GHR: variants seen among roughly 807,000 people sequenced by gnomAD.
GHR encodes GH receptor.
Under a neutral mutation model 67.1 loss-of-function variants are expected in GHR, and 35 were observed. The observed-to-expected ratio is 0.52, with a 90% CI of 0.40 to 0.69. The LOEUF (loss-of-function observed/expected upper bound fraction) is 0.69. Among genes scored for constraint, GHR ranks in the 30% least tolerant of loss-of-function variants. The probability of loss-of-function intolerance (pLI) is 0.00; values close to 1 mark genes in which losing one functional copy is unlikely to be tolerated. For missense variants in GHR, 792 were observed against 764.6 expected (o/e 1.04, Z -0.42); for synonymous variants, 272 against 269.1 (o/e 1.01, Z -0.10).
chr5:42,509,212 A>G lies in GHR; in HGVS notation c.-11-56652A>G, dbSNP rs149931948. On this transcript the variant is annotated intron_variant, in intron 1 of 9. Coordinates refer to ENST00000230882, the MANE Select transcript of GHR (RefSeq NM_000163.5). ...TACCCTGCCTACACCTGAGAGTTCA[A>G]TGTTACTGTGGAAAATGCACACTGT... Among the ~76,000 whole-genome samples, 7 of 152,256 alleles carry G rather than the reference A, an allele frequency of 4.6e-5. No individual in the cohort carries two copies. The East Asian group carries it at 9.6e-4, about 21-fold the overall frequency.
chr5:42,536,993 G>C (rs946380044), intron 1 of GHR, among the ~76,000 whole-genome samples: 1 of 151,982 alleles, frequency 6.6e-6, no homozygotes, highest in Non-Finnish European at 1.5e-5. Context: ...TATTTCAGTG[G>C]TGTCAGTTGT....
intron 8 of GHR, among the ~76,000 whole-genome samples, chr5:42,715,339 A>T (rs183080460): frequency 4.6e-5 from 7 of 152,374 alleles, no homozygotes; most frequent in Non-Finnish European, 7.3e-5. Flanking sequence ...TTAAATTGAT[A>T]CTGCAAAGAA....
At chr5:42,626,646 C>A (rs755293386) in intron 2 of GHR, among the ~76,000 whole-genome samples, 1 of 152,120 alleles carries the variant, frequency 6.6e-6, no homozygotes, top group Non-Finnish European at 1.5e-5. Context: ...TGACCATGCC[C>A]CATCCTGAGG....
At chr5:42,678,627 T>C (rs1057344332) in intron 3 of GHR, among the ~76,000 whole-genome samples, 11 of 152,214 alleles carry the variant, frequency 7.2e-5, no homozygotes, top group Non-Finnish European at 1.3e-4. Context: ...AATACAGTTC[T>C]GTTGAGCATC....
At chr5:42,617,388 A>ACG (rs1316664958) in intron 2 of GHR, among the ~76,000 whole-genome samples, 14 of 860 alleles carry the variant, frequency 0.016, no homozygotes, top group South Asian at 0.077. Flanking sequence ...TTCATTTTAC[A>ACG]CACACACACA....
intron 8 of GHR, among the ~76,000 whole-genome samples, chr5:42,717,682 C>T (rs1758786522): frequency 6.6e-6 from 1 of 152,004 alleles, no homozygotes; most frequent in African/African-American, 2.4e-5. Context: ...GAGATGTACA[C>T]TAGAATTGCC....
At chr5:42,468,515 A>G (rs1579755875) in intron 1 of GHR, 2 of 781,156 alleles carry the variant, frequency 2.6e-6, no homozygotes, top group East Asian at 5.1e-5. Flanking sequence ...GGGGACCAGG[A>G]CCTCAGCTCC....
intron 3 of GHR, among the ~76,000 whole-genome samples, chr5:42,635,076 A>G (rs1004043747): frequency 1.3e-5 from 2 of 152,112 alleles, no homozygotes; most frequent in African/African-American, 4.8e-5. Flanking sequence ...CTGACATGGA[A>G]GCTGACATTA....
At chr5:42,694,889 T>A in intron 4 of GHR, 28 bp from the exon 5 acceptor site, 1 of 1,546,032 alleles carries the variant, frequency 6.5e-7, no homozygotes, top group South Asian at 1.1e-5. Context: ...TTTGGAACAA[T>A]TAATCTTTTT....
intron 2 of GHR, among the ~76,000 whole-genome samples, chr5:42,579,151 T>TGATAGAG: frequency 1.1e-5 from 1 of 88,286 alleles, no homozygotes; most frequent in Non-Finnish European, 2.4e-5. Context: ...GATAGATAGA[T>TGATAGAG]ATAGATAGAT....
intron 1 of GHR, among the ~76,000 whole-genome samples, chr5:42,564,184 A>AAG (rs1749796573): frequency 3.8e-5 from 5 of 130,830 alleles, no homozygotes; most frequent in African/African-American, 9.8e-5. Context: ...AAATCTCACA[A>AAG]TGTGTGAGAT....
chr5:42,648,101 A>G (rs1754835016), intron 3 of GHR, among the ~76,000 whole-genome samples: 1 of 152,186 alleles, frequency 6.6e-6, no homozygotes, highest in South Asian at 2.1e-4. Context: ...ACCCTGCCCT[A>G]GAGGACCTGC....
chr5:42,473,359 T>A (rs1745092869), intron 1 of GHR, among the ~76,000 whole-genome samples: 1 of 152,114 alleles, frequency 6.6e-6, no homozygotes, highest in South Asian at 2.1e-4. Context: ...GCCTCCCGAT[T>A]TCTAAGTGGA....
Position 42,462,706 on chromosome 5 carries a change from T to TGTG in GHR, c.-12+38751_-12+38752insGTG, listed in dbSNP as rs1554053616. Among the ~76,000 whole-genome samples, 1,493 of 151,456 alleles carry TGTG rather than the reference T, an allele frequency of 9.9e-3. 23 individuals are homozygous for TGTG. The highest frequency in any genetic ancestry group is 0.033 in the African/African-American group (1,376 of 41,288). Reference sequence around the variant, plus strand: ...ACAAAATGTGTGTGTGCGTGTGCTTTTGTGTGTGTGTGTGGATATGTGTAT... The same window carrying TGTG: ...ACAAAATGTGTGTGTGCGTGTGCTTTGTGTGTGTGTGTGTGTGGATATGTGTAT... On this transcript the variant is annotated intron_variant, in intron 1 of 9. Coordinates refer to ENST00000230882, the MANE Select transcript of GHR (RefSeq NM_000163.5).
intron 3 of GHR, among the ~76,000 whole-genome samples, chr5:42,631,860 C>A (rs1306824250): frequency 3.3e-5 from 5 of 152,106 alleles, no homozygotes; most frequent in African/African-American, 9.7e-5. Context: ...ATGCCACTGC[C>A]CTCTCCAAGC....
At chr5:42,475,196 A>C (rs1745249336) in intron 1 of GHR, among the ~76,000 whole-genome samples, 1 of 151,916 alleles carries the variant, frequency 6.6e-6, no homozygotes. Context: ...ATTTTTAACT[A>C]TCCCTCCTGT....
intron 1 of GHR, among the ~76,000 whole-genome samples, chr5:42,434,990 ATCT>A (rs1217140905): frequency 2.6e-5 from 4 of 152,206 alleles, no homozygotes; most frequent in Non-Finnish European, 5.9e-5. Context: ...TCTGAGCTTT[ATCT>A]GCAAAAAAAC....
intron 3 of GHR, among the ~76,000 whole-genome samples, chr5:42,648,030 A>T (rs1272678241): frequency 6.6e-6 from 1 of 152,170 alleles, no homozygotes; most frequent in East Asian, 1.9e-4. Context: ...TTTTTAAAAA[A>T]TTTTTAAAGA....
rs1321221572 is a variant in GHR at position 42,631,729 on chromosome 5, C to T, written c.136+2626C>T. On this transcript the variant is annotated intron_variant, in intron 3 of 9. Transcript: ENST00000230882. ...TGAGAATATACAATTATAATTTACA[C>T]GTTTCCTGTGTGTACTTTTCTAAGT... Among the ~76,000 whole-genome samples, 3 of 152,140 alleles carry T rather than the reference C, an allele frequency of 2.0e-5. 1 individual carries two copies. The highest frequency in any genetic ancestry group is 1.3e-4 in the Admixed American group (2 of 15,278).
Sources: gnomAD v4.1 joint callset for allele counts (sites outside exome capture counted in the v4.1 genomes callset) on GRCh38, gnomAD v4.1.1 for gene constraint, MANE v1.5 for transcripts, NCBI Gene and HGNC (gene_info 2026-07-23, HGNC 2026-07-21) for gene names.